PLCB1: variants seen among roughly 807,000 people sequenced by gnomAD.
The protein encoded by PLCB1 is phospholipase C beta 1.
Under a neutral mutation model 161.8 loss-of-function variants are expected in PLCB1, and 46 were observed. That is an observed-to-expected ratio of 0.28 (90% CI 0.22 to 0.36). PLCB1 has a LOEUF of 0.36. Ranked by LOEUF, PLCB1 falls within the 10% of genes least tolerant of loss-of-function variation. The pLI, the probability that PLCB1 is intolerant of heterozygous loss-of-function variation, is 1.00. For missense variants in PLCB1, 1,016 were observed against 1,472.5 expected (o/e 0.69, Z 5.07); for synonymous variants, 517 against 503.7 (o/e 1.03, Z -0.35).
At chr20:8,428,331 C>G (rs578252383) in intron 3 of PLCB1, among the ~76,000 whole-genome samples, 35 of 152,208 alleles carry the variant, frequency 2.3e-4, no homozygotes, top group African/African-American at 7.2e-4. Flanking sequence ...AGCGATTCAC[C>G]TGCCTCAGCC....
intron 3 of PLCB1, among the ~76,000 whole-genome samples, chr20:8,575,223 TAGAC>T (rs1290182470): frequency 6.6e-6 from 1 of 152,202 alleles, no homozygotes; most frequent in Admixed American, 6.5e-5. Context: ...TTCAAATATT[TAGAC>T]AGAGAGAAAG....
chr20:8,576,207 T>C lies in PLCB1; in HGVS notation c.247-52087T>C, dbSNP rs553398627. ...CTAATTTTCATTAAAAGTGGTAGTTTAGTCTGTCCTCCTGAAGCACTTAAC... is the reference window on the plus strand; with the variant it reads ...CTAATTTTCATTAAAAGTGGTAGTTCAGTCTGTCCTCCTGAAGCACTTAAC... On this transcript the variant is annotated intron_variant, in intron 3 of 31. Coordinates refer to ENST00000338037, the MANE Select transcript of PLCB1 (RefSeq NM_015192.4). Among the ~76,000 whole-genome samples the C allele has an allele frequency of 3.3e-5, 5 of 152,348 alleles. No homozygotes were observed. In the East Asian group the frequency reaches 9.6e-4, roughly 29 times the overall value.
chr20:8,762,642 A>G (rs1332479452), intron 25 of PLCB1, among the ~76,000 whole-genome samples: 1 of 152,204 alleles, frequency 6.6e-6, no homozygotes, highest in African/African-American at 2.4e-5. Context: ...GTAATAATTT[A>G]TTATGCAACC....
chr20:8,684,623 G>C (rs1990314605), intron 9 of PLCB1, among the ~76,000 whole-genome samples: 1 of 152,044 alleles, frequency 6.6e-6, no homozygotes, highest in Non-Finnish European at 1.5e-5. Context: ...ACAGAGATAA[G>C]CACTGATAAC....
At chr20:8,516,711 G>A (rs867874496) in intron 3 of PLCB1, among the ~76,000 whole-genome samples, 1,051 of 57,840 alleles carry the variant, frequency 0.018, 20 homozygotes, top group Middle Eastern at 0.034. Flanking sequence ...ATATATATAT[G>A]TATTCCATTT....
At chr20:8,503,185 G>A (rs1427563302) in intron 3 of PLCB1, among the ~76,000 whole-genome samples, 8 of 152,138 alleles carry the variant, frequency 5.3e-5, no homozygotes, top group Non-Finnish European at 1.0e-4. Flanking sequence ...AGAATACTAG[G>A]AAATGATCTT....
At chr20:8,559,840 A>G (rs1476642376) in intron 3 of PLCB1, among the ~76,000 whole-genome samples, 1 of 151,992 alleles carries the variant, frequency 6.6e-6, no homozygotes, top group Admixed American at 6.6e-5. Flanking sequence ...GTCTTGTACT[A>G]ATTCAGTTTA....
intron 2 of PLCB1, among the ~76,000 whole-genome samples, chr20:8,191,522 G>A (rs540959930): frequency 4.0e-5 from 6 of 151,710 alleles, no homozygotes; most frequent in South Asian, 2.1e-4. Flanking sequence ...CATTTTTTAC[G>A]TGACCACAGT....
At chr20:8,523,492 C>CCATATA (rs1555766816) in intron 3 of PLCB1, among the ~76,000 whole-genome samples, 2 of 61,846 alleles carry the variant, frequency 3.2e-5, no homozygotes, top group African/African-American at 6.9e-5. Flanking sequence ...CTCTCTCTCT[C>CCATATA]TCTCTATATA....
chr20:8,826,129 T>C lies in PLCB1; in HGVS notation c.3423+35868T>C, dbSNP rs1214121143. Among the ~76,000 whole-genome samples, 3 of 152,090 alleles carry C rather than the reference T, an allele frequency of 2.0e-5. No individual in the cohort carries two copies. In the East Asian group the frequency reaches 5.8e-4, roughly 29 times the overall value. ...CACTTTGGAATTGAGAAGAGAAGTC[T>C]TAGCTGGAGATAAAAGATTTGTGAG... On this transcript the variant is annotated intron_variant, in intron 31 of 31. Transcript: ENST00000338037.
chr20:8,461,715 G>A (rs920255144), intron 3 of PLCB1, among the ~76,000 whole-genome samples: 3 of 152,128 alleles, frequency 2.0e-5, no homozygotes, highest in Non-Finnish European at 2.9e-5. Flanking sequence ...CTCATGTGGA[G>A]AAAGTAGTTT....
At chr20:8,567,648 G>A (rs994805049) in intron 3 of PLCB1, among the ~76,000 whole-genome samples, 5 of 151,992 alleles carry the variant, frequency 3.3e-5, no homozygotes, top group Admixed American at 6.6e-5. Flanking sequence ...ATTAGTAGTC[G>A]AAACTTCATT....
At chr20:8,417,054 C>CACACAT (rs1491529799) in intron 3 of PLCB1, among the ~76,000 whole-genome samples, 10 of 38,010 alleles carry the variant, frequency 2.6e-4, no homozygotes, top group Admixed American at 9.9e-4. Flanking sequence ...CACACACACA[C>CACACAT]ATATATATAT....
intron 31 of PLCB1, among the ~76,000 whole-genome samples, chr20:8,846,001 C>T (rs942921118): frequency 3.9e-5 from 6 of 152,150 alleles, no homozygotes; most frequent in South Asian, 2.1e-4. Context: ...TGGTATCACA[C>T]GAAGGAATTG....
chr20:8,431,355 T>A (rs1218189395), intron 3 of PLCB1, among the ~76,000 whole-genome samples: 1 of 152,176 alleles, frequency 6.6e-6, no homozygotes, highest in Non-Finnish European at 1.5e-5. Context: ...TTTCCCTGAA[T>A]GGAAACACCA....
chr20:8,245,945 C>T (rs1980855980), intron 2 of PLCB1, among the ~76,000 whole-genome samples: 1 of 151,690 alleles, frequency 6.6e-6, no homozygotes, highest in Non-Finnish European at 1.5e-5. Context: ...AGCAGGAGAC[C>T]TCAGATTCAA....
chr20:8,460,387 C>T (rs1981523626), intron 3 of PLCB1, among the ~76,000 whole-genome samples: 1 of 152,160 alleles, frequency 6.6e-6, no homozygotes, highest in Non-Finnish European at 1.5e-5. Context: ...TAAGTGCATC[C>T]CACTCAGAGC....
chr20:8,873,058 A>G (rs1428582363), intron 31 of PLCB1, among the ~76,000 whole-genome samples: 1 of 152,252 alleles, frequency 6.6e-6, no homozygotes, highest in African/African-American at 2.4e-5. Flanking sequence ...GGAAATTTTC[A>G]GTCAGCCATA....
intron 27 of PLCB1, among the ~76,000 whole-genome samples, chr20:8,783,354 G>A (rs1217510570): frequency 1.3e-5 from 2 of 152,130 alleles, no homozygotes; most frequent in African/African-American, 4.8e-5. Flanking sequence ...TTTGAACAGA[G>A]CCAGCCTGCT....
Sources: gnomAD v4.1 joint callset for allele counts (sites outside exome capture counted in the v4.1 genomes callset) on GRCh38, gnomAD v4.1.1 for gene constraint, MANE v1.5 for transcripts, NCBI Gene and HGNC (gene_info 2026-07-23, HGNC 2026-07-21) for gene names.